Variants in NUP85 observed in about 807,000 individuals in gnomAD.
The protein encoded by NUP85 is nuclear pore complex protein Nup85.
A neutral mutation model predicts 92.8 loss-of-function variants in NUP85; 23 were observed. The ratio of observed to expected loss-of-function variants is 0.25; its 90% CI spans 0.18 to 0.35. The LOEUF (loss-of-function observed/expected upper bound fraction) is 0.35, where lower values mean the gene tolerates loss of function less well. NUP85 is among the 10% of genes least tolerant of loss of function. NUP85 has a pLI of 1.00. For missense variants in NUP85, 759 were observed against 822.8 expected (o/e 0.92, Z 0.95); for synonymous variants, 314 against 306.9 (o/e 1.02, Z -0.24).
chr17:75,234,924 T>A, intron 17 of NUP85, 136 bp downstream of exon 17: 1 of 1,187,070 alleles, frequency 8.4e-7, no homozygotes, highest in Non-Finnish European at 1.3e-6. Context: ...GCGCCCTCTC[T>A]GGGATTCCAG....
At chr17:75,211,913 A>G (rs533173362) in intron 3 of NUP85, 79 bp from the exon 4 acceptor site, 3 of 1,137,968 alleles carry the variant, frequency 2.6e-6, no homozygotes, top group East Asian at 5.1e-5. Context: ...AAATTTCTGC[A>G]TTTATTTGAG....
intron 11 of NUP85, chr17:75,227,978 G>A (rs983269575): frequency 6.3e-6 from 1 of 158,576 alleles, no homozygotes; most frequent in African/African-American, 2.4e-5. Context: ...TCACAGGCCT[G>A]TAAACATTGT....
intron 3 of NUP85, among the ~76,000 whole-genome samples, chr17:75,210,295 G>A (rs2075217679): frequency 2.0e-5 from 3 of 152,270 alleles, no homozygotes; most frequent in Non-Finnish European, 4.4e-5. Flanking sequence ...ATTGTTGGGA[G>A]ATTTGAAAAT....
chr17:75,220,995 C>A (rs1470063206), intron 7 of NUP85, among the ~76,000 whole-genome samples: 1 of 150,438 alleles, frequency 6.6e-6, no homozygotes, highest in African/African-American at 2.4e-5. Context: ...CATTCTCCTG[C>A]CTCAGCCTCC....
intron 3 of NUP85, 42 bp downstream of exon 3, chr17:75,210,027 G>A: frequency 1.3e-6 from 2 of 1,560,424 alleles, no homozygotes; most frequent in South Asian, 2.4e-5. Flanking sequence ...ACACTACACT[G>A]TGGAAAGCCA....
chr17:75,233,305 G>A, intron 16 of NUP85, 147 bp downstream of exon 16: 1 of 638,808 alleles, frequency 1.6e-6, no homozygotes, highest in Non-Finnish European at 2.7e-6. Flanking sequence ...TCATGTCCAG[G>A]ATCATGAGTT....
chr17:75,234,564 G>A, intron 16 of NUP85, 73 bp from the exon 17 acceptor site: 1 of 1,517,252 alleles, frequency 6.6e-7, no homozygotes, highest in South Asian at 1.1e-5. Flanking sequence ...TAGGGCCAGG[G>A]TGACTTTTGT....
rs1162016218 is a variant in NUP85, at chr17:75,208,517, A to G, written c.34-10A>G. The G allele has an allele frequency of 1.4e-6, 2 of 1,433,008 alleles. No homozygotes were observed. The highest frequency in any genetic ancestry group is 2.0e-6 in the Non-Finnish European group (2 of 1,020,464). The allele number at this position is 1,433,008 out of a possible 1,614,324, so 88.8% of individuals were successfully genotyped here. On this transcript the variant is annotated splice_polypyrimidine_tract_variant and intron_variant, in intron 1 of 18. Coordinates refer to ENST00000245544, the MANE Select transcript of NUP85 (RefSeq NM_024844.5). The stretch of plus-strand genomic sequence containing the variant: ...TTTTCATTTTAGATTTCTATGCCTT[A>G]TTTTACTAGTTGATTCCAGGCGTGA...
chr17:75,231,562 T>A lies in NUP85; in HGVS notation c.1179-11T>A. The stretch of plus-strand genomic sequence containing the variant: ...CCAGGAGTCTTGGTCTTTTGTTATG[T>A]TTTATTCCAGTTTCGGTTCCAACAT... On this transcript the variant is annotated splice_polypyrimidine_tract_variant and intron_variant, in intron 12 of 18. Transcript: ENST00000245544. This position sits in a 1 kb window ranked among gnomAD's most constrained non-coding sequence, Gnocchi z 4.6. The A allele has an allele frequency of 7.4e-6, 12 of 1,614,164 alleles. No individual in the cohort carries two copies. Among genetic ancestry groups the A allele is most frequent in the Non-Finnish European group, 1.0e-5 (12 of 1,179,998 alleles).
At chr17:75,210,523 A>G (rs1280939614) in intron 3 of NUP85, among the ~76,000 whole-genome samples, 1 of 152,204 alleles carries the variant, frequency 6.6e-6, no homozygotes, top group Non-Finnish European at 1.5e-5. Flanking sequence ...TAAAATCTCC[A>G]GCACACTGAA....
intron 2 of NUP85, among the ~76,000 whole-genome samples, chr17:75,209,023 C>G (rs1432748725): frequency 6.6e-6 from 1 of 152,062 alleles, no homozygotes; most frequent in Admixed American, 6.6e-5. Flanking sequence ...GAAATGTTAG[C>G]TATTTTAGAT....
At chr17:75,228,305 C>CA in intron 11 of NUP85, 1 of 985,372 alleles carries the variant, frequency 1.0e-6, no homozygotes, top group Non-Finnish European at 1.2e-6. Context: ...GTGCCGGACA[C>CA]AGACAAGGAA....
chr17:75,222,843 G>A (rs137862953), intron 7 of NUP85, among the ~76,000 whole-genome samples: 5,261 of 151,834 alleles, frequency 0.035, 282 homozygotes, highest in African/African-American at 0.12. Flanking sequence ...AGACCATCCT[G>A]GCTAACACAG....
Position 75,209,860 on chromosome 17 carries a change from TATC to T in NUP85, c.169_171del (p.Ile57del), listed in dbSNP as rs2075204331. 6.3e-7 allele frequency: 1 copy of T among 1,578,704 alleles called. No individual in the cohort carries two copies. The highest frequency in any genetic ancestry group is 8.5e-7 in the Non-Finnish European group (1 of 1,170,284). Reference sequence around the variant, plus strand: ...TGGTGCCAAGTTGCCCCTTTATCTATATCATCCGTAAGGATGTAGATGTTTACT... The same window carrying T: ...TGGTGCCAAGTTGCCCCTTTATCTATATCCGTAAGGATGTAGATGTTTACT... On this transcript the variant is annotated inframe_deletion, in exon 3 of 19. Coordinates refer to ENST00000245544, the MANE Select transcript of NUP85 (RefSeq NM_024844.5).
Position 75,205,709 on chromosome 17 carries a change from G to A in NUP85, c.-53G>A, listed in dbSNP as rs555392792. ...GCAGCCAGCTCTGAGCGGGAGGCCT[G>A]AGCGGGAAGCATTGGCGTCCGAGCG... On this transcript the variant is annotated 5_prime_UTR_variant, in exon 1 of 19. Transcript: ENST00000245544. 2 of 1,612,346 alleles carry A rather than the reference G, an allele frequency of 1.2e-6. No homozygotes were observed. The highest frequency in any genetic ancestry group is 1.3e-5 in the African/African-American group (1 of 75,026).
At chr17:75,232,088 T>TG in intron 14 of NUP85, 109 bp downstream of exon 14, 1 of 1,177,084 alleles carries the variant, frequency 8.5e-7, no homozygotes, top group Middle Eastern at 2.8e-4. Flanking sequence ...CGAGCCACAC[T>TG]GGAGACGTGG....
In NUP85 at chr17:75,231,720, A is replaced by G; in HGVS notation, c.1244+82A>G. ...ATTGGAGCTTGGACTGTTCTCTCCC[A>G]GTTGGCTCCTTGAAGGCTTCGGAAG... On this transcript the variant is annotated intron_variant, in intron 13 of 18. Coordinates refer to ENST00000245544, the MANE Select transcript of NUP85 (RefSeq NM_024844.5). The surrounding 1 kb of genome is among the most constrained non-coding windows in gnomAD (Gnocchi z 4.6). 6.2e-7 allele frequency: 1 copy of G among 1,603,494 alleles called. No individual in the cohort carries two copies. The highest frequency in any genetic ancestry group is 2.2e-5 in the East Asian group (1 of 44,794).
intron 18 of NUP85, 86 bp downstream of exon 18, chr17:75,235,287 AC>A: frequency 2.1e-6 from 2 of 944,962 alleles, no homozygotes; most frequent in Admixed American, 4.6e-5. Context: ...CTCCAGAAAC[AC>A]TGGCTCCTAT....
chr17:75,217,487 C>G (rs2075467018), intron 6 of NUP85, among the ~76,000 whole-genome samples: 1 of 151,990 alleles, frequency 6.6e-6, no homozygotes, highest in Non-Finnish European at 1.5e-5. Flanking sequence ...CAGACATGAA[C>G]TACCATGCCC....
Sources: gnomAD v4.1 joint callset for allele counts (sites outside exome capture counted in the v4.1 genomes callset) on GRCh38, gnomAD v4.1.1 for gene constraint, Gnocchi (gnomAD v3.1) non-coding constraint, MANE v1.5 for transcripts, NCBI Gene and HGNC (gene_info 2026-07-23, HGNC 2026-07-21) for gene names.